DNAH11: variants seen among roughly 807,000 people sequenced by gnomAD.
DNAH11 encodes the protein axonemal beta dynein heavy chain 11.
In DNAH11, 442 loss-of-function variants were observed where a neutral mutation model predicts 526.0. That is an observed-to-expected ratio of 0.84 (90% CI 0.78 to 0.91). DNAH11 has a LOEUF of 0.91. Ranked by LOEUF, DNAH11 falls within the 40% of genes least tolerant of loss-of-function variation. The pLI is 0.00. For synonymous variants in DNAH11, 2,461 were observed against 1,935.9 expected (o/e 1.27, Z -7.12); for missense variants, 6,989 against 5,448.7 (o/e 1.28, Z -8.90).
rs1163172345 is a variant in DNAH11 at position 21,561,175 on chromosome 7, G to T, written c.982+5G>T. Reference sequence around the variant, plus strand: ...TTTTTCTGGCTGTGGAAAATGGTAAGACTCTTGTTCCTCAGCCTGGCATCA... The same window carrying T: ...TTTTTCTGGCTGTGGAAAATGGTAATACTCTTGTTCCTCAGCCTGGCATCA... On this transcript the variant is annotated splice_donor_5th_base_variant and intron_variant, in intron 5 of 81. Coordinates refer to ENST00000409508, the MANE Select transcript of DNAH11 (RefSeq NM_001277115.2). 1 of 1,574,448 alleles carries T rather than the reference G, an allele frequency of 6.4e-7. No individual in the cohort carries two copies. Among genetic ancestry groups the T allele is most frequent in the South Asian group, 1.2e-5 (1 of 86,264 alleles).
intron 3 of DNAH11, 92 bp from the exon 4 acceptor site, chr7:21,559,511 T>G (rs1783362956): frequency 9.8e-7 from 1 of 1,016,590 alleles, no homozygotes; most frequent in South Asian, 1.7e-5. Flanking sequence ...TTTAGGAAAC[T>G]AGTTTATGGA....
At chr7:21,627,836 G>C (rs959353086) in intron 25 of DNAH11, among the ~76,000 whole-genome samples, 1 of 152,108 alleles carries the variant, frequency 6.6e-6, no homozygotes, top group African/African-American at 2.4e-5. Flanking sequence ...TTTTGATAGA[G>C]ATTGCATTGA....
rs375187783 is a variant in DNAH11, at chr7:21,606,752, A to G, written c.3852+19A>G. The G allele has an allele frequency of 6.3e-7, 1 of 1,575,958 alleles. No individual in the cohort carries two copies. The highest frequency in any genetic ancestry group is 8.7e-7 in the Non-Finnish European group (1 of 1,154,890). On this transcript the variant is annotated intron_variant, in intron 20 of 81. Coordinates refer to ENST00000409508, the MANE Select transcript of DNAH11 (RefSeq NM_001277115.2). The stretch of plus-strand genomic sequence containing the variant: ...TGATAAGGTAATACAGATCTCAAAT[A>G]TCCTGTGTGCATTAAAATAGCTACT...
chr7:21,590,901 TA>T lies in DNAH11; in HGVS notation c.2170-15del. 7.6e-7 allele frequency: 1 copy of T among 1,311,834 alleles called. No individual in the cohort carries two copies. Among genetic ancestry groups the T allele is most frequent in the Non-Finnish European group, 1.0e-6 (1 of 1,003,800 alleles). 81.3% of individuals were successfully genotyped at this position (1,311,834 alleles called of 1,614,324 possible). A position where few individuals can be genotyped will look rare whatever the true frequency, so the allele number is the denominator to read the frequency against. On this transcript the variant is annotated splice_polypyrimidine_tract_variant and intron_variant, in intron 12 of 81. Transcript: ENST00000409508. ...TTATGAAAATATGCAATAATTTTAA[TA>T]ATTGTATTTTAATAGCTAGTGGCTG...
At chr7:21,586,171 C>G (rs528115587) in intron 9 of DNAH11, among the ~76,000 whole-genome samples, 1 of 152,136 alleles carries the variant, frequency 6.6e-6, no homozygotes, top group Non-Finnish European at 1.5e-5. Flanking sequence ...AGTTAAGGAC[C>G]GCTAAGCTGG....
At chr7:21,608,131 C>T (rs1297060442) in intron 20 of DNAH11, among the ~76,000 whole-genome samples, 6 of 151,324 alleles carry the variant, frequency 4.0e-5, no homozygotes, top group African/African-American at 1.5e-4. Flanking sequence ...GTCAAGGAAG[C>T]CCATAACTTA....
chr7:21,827,869 G>C (rs888953253), intron 65 of DNAH11, among the ~76,000 whole-genome samples: 1 of 152,078 alleles, frequency 6.6e-6, no homozygotes, highest in Non-Finnish European at 1.5e-5. Context: ...TGAGATTTAA[G>C]ATAGAAACAT....
At chr7:21,836,435 A>G (rs1403843904) in intron 65 of DNAH11, among the ~76,000 whole-genome samples, 1 of 152,202 alleles carries the variant, frequency 6.6e-6, no homozygotes, top group Non-Finnish European at 1.5e-5. Context: ...AAAATCCCAG[A>G]AATCACACAC....
intron 6 of DNAH11, among the ~76,000 whole-genome samples, chr7:21,565,039 C>G (rs1021050216): frequency 2.6e-5 from 4 of 152,182 alleles, no homozygotes; most frequent in Non-Finnish European, 4.4e-5. Flanking sequence ...GCTACATAAT[C>G]CAGTGGTTCT....
chr7:21,573,044 T>C (rs1040719047), intron 8 of DNAH11, among the ~76,000 whole-genome samples: 1 of 152,138 alleles, frequency 6.6e-6, no homozygotes, highest in Non-Finnish European at 1.5e-5. Flanking sequence ...CTGCACAAGA[T>C]CCTTGGGGAC....
intron 74 of DNAH11, among the ~76,000 whole-genome samples, chr7:21,879,803 C>T (rs1363551001): frequency 3.9e-5 from 6 of 151,964 alleles, no homozygotes; most frequent in Non-Finnish European, 7.4e-5. Context: ...GGAAAGAGTT[C>T]GCTGGGCCCC....
intron 54 of DNAH11, among the ~76,000 whole-genome samples, chr7:21,758,582 G>A (rs1018837201): frequency 2.6e-5 from 4 of 151,960 alleles, no homozygotes; most frequent in Non-Finnish European, 4.4e-5. Context: ...AAATCACAAC[G>A]ATGTACTTGA....
In DNAH11 at chr7:21,615,288, T is replaced by G; in HGVS notation, c.4011+16T>G. ...TTATGTTCGAGTAAGATGTGCTTTTTCAAAACATGCTTTTTATTTAGTAGT... is the reference window on the plus strand; with the variant it reads ...TTATGTTCGAGTAAGATGTGCTTTTGCAAAACATGCTTTTTATTTAGTAGT... On this transcript the variant is annotated intron_variant, in intron 21 of 81. Transcript: ENST00000409508. 6.2e-7 allele frequency: 1 copy of G among 1,606,746 alleles called. No individual in the cohort carries two copies. The highest frequency in any genetic ancestry group is 8.5e-7 in the Non-Finnish European group (1 of 1,175,906).
intron 2 of DNAH11, among the ~76,000 whole-genome samples, chr7:21,549,749 A>C (rs1273816910): frequency 1.3e-5 from 2 of 152,194 alleles, no homozygotes; most frequent in African/African-American, 4.8e-5. Flanking sequence ...TTTACTGTCC[A>C]ACCCTGCAAT....
rs138912705 is a variant in DNAH11, at chr7:21,662,402, A to C, written c.5328+3371A>C. Among the ~76,000 whole-genome samples the C allele has an allele frequency of 8.4e-3, 1,286 of 152,218 alleles. 50 individuals are homozygous for C. The South Asian group carries it at 0.091, about 11-fold the overall frequency. On this transcript the variant is annotated intron_variant, in intron 30 of 81. Coordinates refer to ENST00000409508, the MANE Select transcript of DNAH11 (RefSeq NM_001277115.2). ...AAACCCTATAACCATCCATCAATTC[A>C]TTTTGTGTCTATGAATCATTTCAAA...
At chr7:21,756,165 TTTAAA>T (rs1217265120) in intron 54 of DNAH11, among the ~76,000 whole-genome samples, 1 of 152,122 alleles carries the variant, frequency 6.6e-6, no homozygotes, top group Non-Finnish European at 1.5e-5. Flanking sequence ...CTGAATTTTC[TTTAAA>T]TTAATTTATA....
At chr7:21,567,973 G>A (rs1270096386) in intron 6 of DNAH11, among the ~76,000 whole-genome samples, 1 of 152,076 alleles carries the variant, frequency 6.6e-6, no homozygotes, top group African/African-American at 2.4e-5. Flanking sequence ...ATGGCTTGGT[G>A]TATCTATTGT....
intron 65 of DNAH11, among the ~76,000 whole-genome samples, chr7:21,825,012 C>A (rs770078517): frequency 8.5e-5 from 13 of 152,182 alleles, no homozygotes; most frequent in Non-Finnish European, 1.2e-4. Flanking sequence ...GCTGGAATTA[C>A]AGGCGCCTGC....
At chr7:21,883,882 A>T (rs1419760060) in intron 75 of DNAH11, among the ~76,000 whole-genome samples, 1 of 152,126 alleles carries the variant, frequency 6.6e-6, no homozygotes, top group East Asian at 1.9e-4. Flanking sequence ...TCTCTACAAA[A>T]TTTTTAAAAA....
Sources: gnomAD v4.1 joint callset for allele counts (sites outside exome capture counted in the v4.1 genomes callset) on GRCh38, gnomAD v4.1.1 for gene constraint, MANE v1.5 for transcripts, NCBI Gene and HGNC (gene_info 2026-07-23, HGNC 2026-07-21) for gene names.